Variants in TARBP1 observed in about 807,000 individuals in gnomAD.
TARBP1 encodes tRNA (guanosine(18)-2'-O)-methyltransferase TARBP1.
A neutral mutation model predicts 178.6 loss-of-function variants in TARBP1; 144 were observed. The observed-to-expected ratio is 0.81, with a 90% CI of 0.70 to 0.93. The LOEUF (loss-of-function observed/expected upper bound fraction) is 0.93, where lower values mean the gene tolerates loss of function less well. Among genes scored for constraint, TARBP1 ranks in the 40% least tolerant of loss-of-function variants. TARBP1 has a pLI of 0.00. For synonymous variants in TARBP1, 787 were observed against 781.0 expected, an observed-to-expected ratio of 1.01 and a Z score of -0.13; for missense variants, 2,067 against 2,011.7, an observed-to-expected ratio of 1.03 and a Z score of -0.53.
chr1:234,393,354 C>T lies in TARBP1; in HGVS notation c.4560+8G>A, dbSNP rs758665301. On this transcript the variant is annotated splice_region_variant and intron_variant, in intron 28 of 29. Transcript: ENST00000040877. The stretch of plus-strand genomic sequence containing the variant: ...AAGAACTTTAATAATAAATTACTTT[C>T]CACCCACCTCCACTAGAGGAAGCCA... The T allele has an allele frequency of 1.9e-5, 29 of 1,506,868 alleles. No individual in the cohort carries two copies. Among genetic ancestry groups the T allele is most frequent in the Non-Finnish European group, 2.3e-5 (26 of 1,120,840 alleles). 93.3% of individuals were successfully genotyped at this position (1,506,868 alleles called of 1,614,324 possible).
chr1:234,436,400 C>A (rs1665035708), intron 13 of TARBP1, among the ~76,000 whole-genome samples: 1 of 152,082 alleles, frequency 6.6e-6, no homozygotes, highest in Non-Finnish European at 1.5e-5. Flanking sequence ...TAAATGCCTT[C>A]CTAAAAATGT....
chr1:234,401,127 A>C lies in TARBP1; in HGVS notation c.4071+54T>G, dbSNP rs1042094226. 8 of 1,423,244 alleles carry C rather than the reference A, an allele frequency of 5.6e-6. No individual in the cohort carries two copies. In the African/African-American group the frequency reaches 1.1e-4, roughly 20 times the overall value. 88.2% of individuals were successfully genotyped at this position (1,423,244 alleles called of 1,614,324 possible). On this transcript the variant is annotated intron_variant, in intron 25 of 29. Coordinates refer to ENST00000040877, the MANE Select transcript of TARBP1 (RefSeq NM_005646.4). ...AACCCTTCAACAAAAGCAGAAAGGA[A>C]GCATCAGGATTAAAGATACAATAGA...
intron 12 of TARBP1, among the ~76,000 whole-genome samples, chr1:234,443,687 A>T (rs1266975910): frequency 1.3e-5 from 2 of 152,250 alleles, no homozygotes; most frequent in African/African-American, 4.8e-5. Context: ...CACAAAAGAG[A>T]AGGTGAAAAA....
chr1:234,430,382 A>G, intron 14 of TARBP1, 81 bp from the exon 15 acceptor site: 1 of 1,279,072 alleles, frequency 7.8e-7, no homozygotes, highest in African/African-American at 1.5e-5. Flanking sequence ...GTCTATGGAA[A>G]GCTCAAGCTC....
intron 1 of TARBP1, among the ~76,000 whole-genome samples, chr1:234,476,156 G>A (rs1395451015): frequency 6.6e-6 from 1 of 152,112 alleles, no homozygotes; most frequent in Non-Finnish European, 1.5e-5. Context: ...TAAACAATAT[G>A]CATAAACAGA....
chr1:234,455,346 G>A (rs1013145885), intron 9 of TARBP1, among the ~76,000 whole-genome samples: 1 of 152,118 alleles, frequency 6.6e-6, no homozygotes, highest in Admixed American at 6.5e-5. Context: ...AGATGTACCT[G>A]CAGACTATTC....
At chr1:234,462,910 G>A (rs1358052566) in intron 6 of TARBP1, among the ~76,000 whole-genome samples, 1 of 152,064 alleles carries the variant, frequency 6.6e-6, no homozygotes, top group African/African-American at 2.4e-5. Context: ...AAAAAAATAC[G>A]TATTTCATAC....
chr1:234,478,606 G>C lies in TARBP1; in HGVS notation c.498C>G (p.Thr166=). 1 of 1,299,768 alleles carries C rather than the reference G, an allele frequency of 7.7e-7. No homozygotes were observed. Among genetic ancestry groups the C allele is most frequent in the Non-Finnish European group, 9.8e-7 (1 of 1,025,618 alleles). The allele number at this position is 1,299,768 out of a possible 1,614,324, so 80.5% of individuals were successfully genotyped here. Reference sequence around the variant, plus strand: ...CCCCGCCCAGCGCCAGGGCGACGGCGGTCCCCGCCACGCGCTCCAGTAGCG... The same window carrying C: ...CCCCGCCCAGCGCCAGGGCGACGGCCGTCCCCGCCACGCGCTCCAGTAGCG... ...DGPLLERVAG[T]AVALALGGGG... The change falls in exon 1 of 30, where the codon ACC becomes ACG. Residue 166 remains threonine (T), a synonymous_variant. Transcript: ENST00000040877.
In TARBP1 at chr1:234,437,361, T is replaced by C. The variant is rs766157166; in HGVS notation, c.2146A>G (p.Thr716Ala). 2.5e-6 allele frequency: 4 copies of C among 1,571,494 alleles called. No individual in the cohort carries two copies. In the African/African-American group the frequency reaches 4.1e-5, roughly 16 times the overall value. The change falls in exon 13 of 30, where the codon ACT becomes GCT. Residue 716 changes from threonine to alanine, a missense_variant. By Grantham distance (58) the Thr-to-Ala change is moderately conservative. Coordinates refer to ENST00000040877, the MANE Select transcript of TARBP1 (RefSeq NM_005646.4). ...GSSAQDDEVS[T>A]VLQNFFMSTT... ...GACATGAAAAAGTTCTGAAGAACAGTAGACACCTCATCTGTATGGGGGCAA... is the reference window on the plus strand; with the variant it reads ...GACATGAAAAAGTTCTGAAGAACAGCAGACACCTCATCTGTATGGGGGCAA...
At chr1:234,412,127 A>C (rs1161702007) in intron 22 of TARBP1, among the ~76,000 whole-genome samples, 1 of 152,234 alleles carries the variant, frequency 6.6e-6, no homozygotes, top group East Asian at 1.9e-4. Context: ...ACTTCCTTTA[A>C]GAATGACAAT....
chr1:234,420,812 C>A lies in TARBP1; in HGVS notation c.3445G>T (p.Asp1149Tyr), dbSNP rs1434890048. Residue 1149 changes from aspartate to tyrosine, a missense_variant and splice_region_variant, in exon 21 of 30, where the codon GAT (aspartate) becomes TAT (tyrosine). Coordinates refer to ENST00000040877, the MANE Select transcript of TARBP1 (RefSeq NM_005646.4). The part of the protein sequence containing the change: ...EDLAIKLLDK[D>Y]ELVSKSKKRY... ...TTTTTGGACTTGGACACTAATTCATCCTGGAAAGGAGAAGGGAGGGAGTCA... is the reference window on the plus strand; with the variant it reads ...TTTTTGGACTTGGACACTAATTCATACTGGAAAGGAGAAGGGAGGGAGTCA... 5.7e-6 allele frequency: 9 copies of A among 1,565,566 alleles called. No individual in the cohort carries two copies. Among genetic ancestry groups the A allele is most frequent in the Admixed American group, 1.7e-5 (1 of 57,722 alleles).
chr1:234,392,368 GT>G, intron 29 of TARBP1, 47 bp downstream of exon 29: 3 of 1,585,240 alleles, frequency 1.9e-6, no homozygotes, highest in Non-Finnish European at 2.6e-6. Flanking sequence ...ACATCTTCCA[GT>G]AGTCTGGGGC....
chr1:234,453,920 C>T (rs935050644), intron 9 of TARBP1, among the ~76,000 whole-genome samples: 8 of 152,070 alleles, frequency 5.3e-5, no homozygotes, highest in Non-Finnish European at 1.5e-5. Context: ...GACTCCAGGA[C>T]ATTAGGAGAC....
intron 12 of TARBP1, among the ~76,000 whole-genome samples, chr1:234,443,183 G>A (rs928167910): frequency 1.3e-5 from 2 of 151,722 alleles, no homozygotes; most frequent in Non-Finnish European, 1.5e-5. Flanking sequence ...TCAGCTACTC[G>A]GGAGGCTGAG....
chr1:234,398,556 GA>G lies in TARBP1; in HGVS notation c.4072-4del. 6.5e-7 allele frequency: 1 copy of G among 1,539,362 alleles called. No homozygotes were observed. The highest frequency in any genetic ancestry group is 8.8e-7 in the Non-Finnish European group (1 of 1,136,970). Reference sequence around the variant, plus strand: ...CGTGGAAGGATGTAAAATATGGTCTGAAAAGAGAATTATAAAATCTAAATTT... The same window carrying G: ...CGTGGAAGGATGTAAAATATGGTCTGAAAGAGAATTATAAAATCTAAATTT... On this transcript the variant is annotated splice_region_variant and splice_polypyrimidine_tract_variant and intron_variant, in intron 25 of 29. Transcript: ENST00000040877.
At chr1:234,459,354 TC>T in intron 7 of TARBP1, 28 bp from the exon 8 acceptor site, 1 of 1,524,746 alleles carries the variant, frequency 6.6e-7, no homozygotes, top group South Asian at 1.2e-5. Context: ...AAAATGCAGT[TC>T]CGTATTCCCA....
At chr1:234,463,198 A>G (rs1668075656) in intron 6 of TARBP1, among the ~76,000 whole-genome samples, 1 of 152,080 alleles carries the variant, frequency 6.6e-6, no homozygotes, top group South Asian at 2.1e-4. Context: ...ATCTTGGCTC[A>G]CTGCAACCAC....
chr1:234,395,624 C>T (rs1659857150), intron 26 of TARBP1, among the ~76,000 whole-genome samples: 1 of 152,126 alleles, frequency 6.6e-6, no homozygotes. Flanking sequence ...AAGGAATATC[C>T]CGGTGCTAAT....
intron 12 of TARBP1, among the ~76,000 whole-genome samples, chr1:234,445,439 GTCT>G (rs71576423): frequency 0.3 from 45,454 of 151,704 alleles, 6,974 homozygotes; most frequent in Admixed American, 0.41. Flanking sequence ...CTTAGGTTAA[GTCT>G]TCTTATTACA....
Sources: allele counts gnomAD v4.1 joint callset (sites outside exome capture counted in the v4.1 genomes callset), GRCh38; gene constraint gnomAD v4.1.1; transcripts MANE v1.5; gene names NCBI Gene and HGNC (gene_info 2026-07-23, HGNC 2026-07-21).